The following GALNT14 variants were observed in gnomAD, a reference collection of about 807,000 sequenced individuals.
The protein encoded by GALNT14 is UDP-GalNAc:polypeptide N-acetylgalactosaminyltransferase 14.
Under a neutral mutation model 77.5 loss-of-function variants are expected in GALNT14, and 60 were observed. That is an observed-to-expected ratio of 0.77 (90% CI 0.63 to 0.96). The LOEUF is 0.96. GALNT14 is among the 40% of genes least tolerant of loss of function. GALNT14 has a pLI of 0.00. For synonymous variants in GALNT14, 280 were observed against 281.7 expected, an observed-to-expected ratio of 0.99 and a Z score of 0.06; for missense variants, 710 against 731.0, an observed-to-expected ratio of 0.97 and a Z score of 0.33.
chr2:30,932,170 C>T lies in GALNT14; in HGVS notation c.956G>A (p.Cys319Tyr). ...NFEISFRVWM[C>Y]GGSLEIVPCS... ...GGGGACGATCTCTAGGCTGCCCCCGCACATCCACACTCGGAAGGAGATTTC... is the reference window on the plus strand; with the variant it reads ...GGGGACGATCTCTAGGCTGCCCCCGTACATCCACACTCGGAAGGAGATTTC... The change falls in exon 10 of 15, where the codon TGC (cysteine) becomes TAC (tyrosine). Residue 319 changes from cysteine to tyrosine, a missense_variant. Physicochemically the swap from Cys to Tyr is radical, Grantham distance 194. Transcript: ENST00000349752. 6.5e-7 allele frequency: 1 copy of T among 1,536,134 alleles called. No individual in the cohort carries two copies. Among genetic ancestry groups the T allele is most frequent in the Non-Finnish European group, 8.8e-7 (1 of 1,140,944 alleles).
chr2:30,911,096 C>A lies in GALNT14; in HGVS notation c.1501-37G>T, dbSNP rs1209756942. The stretch of plus-strand genomic sequence containing the variant: ...AAGAAGAGAGTGAATGAACTAGGTG[C>A]CATCAGTAACATGGGAGTTCCAGCT... On this transcript the variant is annotated intron_variant, in intron 14 of 14. Coordinates refer to ENST00000349752, the MANE Select transcript of GALNT14 (RefSeq NM_024572.4). 1.9e-6 allele frequency: 3 copies of A among 1,596,546 alleles called. No individual in the cohort carries two copies. In the African/African-American group the frequency reaches 4.0e-5, roughly 21 times the overall value.
chr2:30,892,696 T>C, the GALNT14 span, among the ~76,000 whole-genome samples: 7 of 152,226 alleles, frequency 4.6e-5, no homozygotes, highest in Admixed American at 3.9e-4. Context: ...TTTCTTGTAA[T>C]GCTACCCATT....
At chr2:31,048,010 T>C (rs1660071223) in intron 1 of GALNT14, among the ~76,000 whole-genome samples, 1 of 152,232 alleles carries the variant, frequency 6.6e-6, no homozygotes, top group South Asian at 2.1e-4. Context: ...TCCCTGGGAC[T>C]CCAGCTTAGG....
intron 1 of GALNT14, among the ~76,000 whole-genome samples, chr2:31,014,398 A>C (rs1323426016): frequency 1.3e-5 from 2 of 152,214 alleles, no homozygotes; most frequent in Non-Finnish European, 1.5e-5. Flanking sequence ...CCCCTCCCAC[A>C]GAGAGGCATT....
At chr2:31,004,918 G>A (rs1487645263) in intron 1 of GALNT14, among the ~76,000 whole-genome samples, 3 of 152,192 alleles carry the variant, frequency 2.0e-5, no homozygotes, top group Non-Finnish European at 2.9e-5. Context: ...TCTAGCAGGG[G>A]TCATGAATGA....
At chr2:31,065,806 T>G (rs1189303520) in intron 1 of GALNT14, among the ~76,000 whole-genome samples, 1 of 152,118 alleles carries the variant, frequency 6.6e-6, no homozygotes, top group African/African-American at 2.4e-5. Flanking sequence ...CTGAGGAGAA[T>G]GAAGAGCCCA....
In GALNT14 at chr2:31,050,117, G is replaced by A. The variant is rs1183693226; in HGVS notation, c.130-57110C>T. 2.0e-5 allele frequency among the ~76,000 whole-genome samples: 3 copies of A among 152,112 alleles called. No individual in the cohort carries two copies. In the East Asian group the frequency reaches 5.8e-4, roughly 29 times the overall value. On this transcript the variant is annotated intron_variant, in intron 1 of 14. Coordinates refer to ENST00000349752, the MANE Select transcript of GALNT14 (RefSeq NM_024572.4). The stretch of plus-strand genomic sequence containing the variant: ...AGTCCTGCGCCAAGAAAAAGCAGAA[G>A]TGAACCACATTTGGGATGTTCTAGC...
chr2:31,042,516 T>A (rs1021731262), intron 1 of GALNT14, among the ~76,000 whole-genome samples: 5 of 152,152 alleles, frequency 3.3e-5, no homozygotes, highest in Admixed American at 3.3e-4. Flanking sequence ...GTCTCCCAGC[T>A]CCTCTTTCAT....
the GALNT14 span, among the ~76,000 whole-genome samples, chr2:30,889,040 A>G: frequency 6.6e-6 from 1 of 152,058 alleles, no homozygotes; most frequent in East Asian, 1.9e-4. Flanking sequence ...TCACCTGTAA[A>G]GAAGCCTGGG....
At chr2:30,970,074 G>A (rs1668254949) in intron 2 of GALNT14, among the ~76,000 whole-genome samples, 1 of 152,190 alleles carries the variant, frequency 6.6e-6, no homozygotes, top group African/African-American at 2.4e-5. Flanking sequence ...CACGTTAGAT[G>A]CTTGACAAAT....
At chr2:30,993,080 C>A in intron 1 of GALNT14, 73 bp from the exon 2 acceptor site, 1 of 1,513,316 alleles carries the variant, frequency 6.6e-7, no homozygotes, top group Non-Finnish European at 9.0e-7. Flanking sequence ...CCTATCAGTA[C>A]CCAACCCCAG....
chr2:30,976,836 C>G (rs1272730204), intron 2 of GALNT14, among the ~76,000 whole-genome samples: 1 of 152,140 alleles, frequency 6.6e-6, no homozygotes, highest in African/African-American at 2.4e-5. Flanking sequence ...ACAATTGAAT[C>G]CTCACTCTGT....
At chr2:30,944,745 G>T in intron 8 of GALNT14, 113 bp downstream of exon 8, 2 of 819,204 alleles carry the variant, frequency 2.4e-6, no homozygotes, top group Non-Finnish European at 1.8e-6. Context: ...GCCTGGCAAA[G>T]GGCTCCCTTT....
chr2:31,050,511 A>G (rs1473409318), intron 1 of GALNT14, among the ~76,000 whole-genome samples: 3 of 152,186 alleles, frequency 2.0e-5, no homozygotes, highest in Admixed American at 1.3e-4. Context: ...TCGAAAGGGA[A>G]GGAGCACTAA....
chr2:31,035,626 C>T lies in GALNT14; in HGVS notation c.130-42619G>A, dbSNP rs1246259841. Among the ~76,000 whole-genome samples, 585 of 140,402 alleles carry T rather than the reference C, an allele frequency of 4.2e-3. 10 individuals are homozygous for T. Among genetic ancestry groups the T allele is most frequent in the African/African-American group, 0.014 (549 of 37,970 alleles). The allele number at this position is 140,402 out of a possible 152,430, so 92.1% of individuals were successfully genotyped here. On this transcript the variant is annotated intron_variant, in intron 1 of 14. Coordinates refer to ENST00000349752, the MANE Select transcript of GALNT14 (RefSeq NM_024572.4). ...ACACACACACACACACCTACACACA[C>T]ACACACACACACACACACACACACA...
At chr2:31,048,743 C>G (rs1489948084) in intron 1 of GALNT14, among the ~76,000 whole-genome samples, 1 of 152,130 alleles carries the variant, frequency 6.6e-6, no homozygotes, top group Non-Finnish European at 1.5e-5. Context: ...GCCAGGAGCT[C>G]TATGTGACCC....
At chr2:30,996,453 G>A (rs1326464166) in intron 1 of GALNT14, among the ~76,000 whole-genome samples, 1 of 152,246 alleles carries the variant, frequency 6.6e-6, no homozygotes, top group Non-Finnish European at 1.5e-5. Context: ...ACTGGGGCCT[G>A]CCTAGTGGGT....
At chr2:30,921,739 C>T (rs1558405167) in intron 13 of GALNT14, among the ~76,000 whole-genome samples, 1 of 152,070 alleles carries the variant, frequency 6.6e-6, no homozygotes, top group Non-Finnish European at 1.5e-5. Context: ...GTAATCTAAC[C>T]CAGTGGCTCC....
chr2:30,924,926 T>C (rs995350053), intron 11 of GALNT14, 103 bp from the exon 12 acceptor site: 1 of 828,880 alleles, frequency 1.2e-6, no homozygotes. Context: ...GCGCGACCCA[T>C]GCCCATGCTC....
Sources: allele counts gnomAD v4.1 joint callset (sites outside exome capture counted in the v4.1 genomes callset), GRCh38; gene constraint gnomAD v4.1.1; transcripts MANE v1.5; gene names NCBI Gene and HGNC (gene_info 2026-07-23, HGNC 2026-07-21).